The following EIF4G3 variants were observed in gnomAD, a reference collection of about 807,000 sequenced individuals.
EIF4G3 encodes eIF-4-gamma 3.
EIF4G3 carries 34 observed loss-of-function variants against 186.4 expected under a neutral mutation model. That is an observed-to-expected ratio of 0.18 (90% CI 0.14 to 0.24). The LOEUF (loss-of-function observed/expected upper bound fraction) is 0.24, where lower values mean the gene tolerates loss of function less well. Among genes scored for constraint, EIF4G3 ranks in the 10% least tolerant of loss-of-function variants. EIF4G3 has a pLI of 1.00. For synonymous variants in EIF4G3, 673 were observed against 679.5 expected (o/e 0.99, Z 0.15); for missense variants, 1,536 against 1,948.5 (o/e 0.79, Z 3.99).
intron 2 of EIF4G3, among the ~76,000 whole-genome samples, chr1:21,114,953 A>T (rs1320116395): frequency 1.3e-5 from 2 of 152,232 alleles, no homozygotes. Context: ...ACTTAAGGCC[A>T]GGAGTTCTAG....
intron 14 of EIF4G3, among the ~76,000 whole-genome samples, chr1:20,920,813 C>T (rs2094436059): frequency 6.6e-6 from 1 of 152,092 alleles, no homozygotes; most frequent in Non-Finnish European, 1.5e-5. Flanking sequence ...TGGTCACTCT[C>T]TAGAAATACT....
At chr1:21,001,429 A>C in intron 5 of EIF4G3, 117 bp from the exon 6 acceptor site, 1 of 401,536 alleles carries the variant, frequency 2.5e-6, no homozygotes, top group Non-Finnish European at 5.0e-6. Context: ...TTGGGGGTAT[A>C]CAGAAAGAGG....
intron 2 of EIF4G3, among the ~76,000 whole-genome samples, chr1:21,146,457 A>G (rs1488638969): frequency 1.3e-5 from 2 of 152,236 alleles, no homozygotes; most frequent in Admixed American, 6.5e-5. Flanking sequence ...AGGCAATTTT[A>G]TATTTAAAAA....
intron 2 of EIF4G3, among the ~76,000 whole-genome samples, chr1:21,134,702 T>A (rs149190517): frequency 2.0e-5 from 3 of 152,162 alleles, no homozygotes; most frequent in African/African-American, 7.2e-5. Flanking sequence ...CAGAAATACA[T>A]TGGGCTAATG....
chr1:21,156,482 G>A (rs1332911140), intron 2 of EIF4G3, among the ~76,000 whole-genome samples: 1 of 151,922 alleles, frequency 6.6e-6, no homozygotes, highest in Non-Finnish European at 1.5e-5. Context: ...ATCTCCATTT[G>A]TTTGTAAAAT....
At chr1:20,961,555 C>T (rs1176631920) in intron 12 of EIF4G3, among the ~76,000 whole-genome samples, 2 of 152,204 alleles carry the variant, frequency 1.3e-5, no homozygotes, top group Non-Finnish European at 2.9e-5. Context: ...AATGGATTAT[C>T]GTAAACTATA....
chr1:21,081,636 ATTTTTTT>A (rs566655576), intron 3 of EIF4G3, among the ~76,000 whole-genome samples: 14 of 122,774 alleles, frequency 1.1e-4, no homozygotes, highest in East Asian at 5.1e-4. Flanking sequence ...GATGAGTCCA[ATTTTTTT>A]TTTTTTTTTT....
intron 3 of EIF4G3, among the ~76,000 whole-genome samples, chr1:21,082,626 G>T (rs115504294): frequency 0.024 from 3,703 of 152,104 alleles, 81 homozygotes; most frequent in Middle Eastern, 0.048. Flanking sequence ...AAACCGGCAG[G>T]ATGCAGCAGC....
intron 35 of EIF4G3, among the ~76,000 whole-genome samples, chr1:20,812,953 G>A (rs2059566613): frequency 6.6e-6 from 1 of 152,200 alleles, no homozygotes; most frequent in South Asian, 2.1e-4. Flanking sequence ...GTGGTAGCTG[G>A]TTAGATCTGG....
chr1:20,842,541 A>T (rs1321596743), intron 29 of EIF4G3, among the ~76,000 whole-genome samples: 1 of 151,948 alleles, frequency 6.6e-6, no homozygotes, highest in Admixed American at 6.6e-5. Context: ...CTAATTTTGT[A>T]TTTTTAGTAG....
At chr1:21,151,852 T>C (rs936624613) in intron 2 of EIF4G3, among the ~76,000 whole-genome samples, 5 of 152,302 alleles carry the variant, frequency 3.3e-5, no homozygotes, top group Middle Eastern at 3.4e-3. Flanking sequence ...AAGAAACTCC[T>C]AGGTCAAACT....
intron 2 of EIF4G3, among the ~76,000 whole-genome samples, chr1:21,141,347 C>T (rs1337727214): frequency 1.3e-5 from 2 of 148,942 alleles, no homozygotes; most frequent in Non-Finnish European, 3.0e-5. Flanking sequence ...TTGAACATTA[C>T]CATTTCTATT....
intron 20 of EIF4G3, among the ~76,000 whole-genome samples, chr1:20,870,141 G>A (rs932207666): frequency 1.3e-5 from 2 of 151,722 alleles, no homozygotes; most frequent in East Asian, 1.9e-4. Flanking sequence ...CCAGTTGACC[G>A]GTCACTCGCT....
chr1:20,853,547 G>GC lies in EIF4G3; in HGVS notation c.3551+12dup, dbSNP rs1557925918. ...GGCCAGCCTTGAGTAGACATAAAAA[G>GC]CAGGGTTCTCACCTAGTTAAGGTCC... On this transcript the variant is annotated intron_variant, in intron 27 of 36. Transcript: ENST00000602326. The GC allele has an allele frequency of 1.3e-6, 2 of 1,574,770 alleles. No individual in the cohort carries two copies. Among genetic ancestry groups the GC allele is most frequent in the Non-Finnish European group, 1.7e-6 (2 of 1,144,424 alleles).
At chr1:20,986,378 A>G (rs1034343016) in intron 7 of EIF4G3, among the ~76,000 whole-genome samples, 2 of 152,148 alleles carry the variant, frequency 1.3e-5, no homozygotes, top group East Asian at 3.8e-4. Context: ...TGGCTAAATA[A>G]GCTGTGTTCT....
chr1:21,074,756 T>C (rs992860614), intron 3 of EIF4G3, among the ~76,000 whole-genome samples: 34 of 152,250 alleles, frequency 2.2e-4, no homozygotes, highest in Non-Finnish European at 3.2e-4. Flanking sequence ...AAAAATATTT[T>C]CCAATACAAT....
chr1:20,986,019 G>A (rs769839097), intron 7 of EIF4G3, among the ~76,000 whole-genome samples: 10 of 152,018 alleles, frequency 6.6e-5, no homozygotes, highest in African/African-American at 9.7e-5. Context: ...TTATGTGAAC[G>A]CTGCCATTAC....
chr1:20,810,842 T>C lies in EIF4G3; in HGVS notation c.4640A>G (p.Gln1547Arg). The change falls in exon 36 of 37, where the codon CAG (glutamine) becomes CGG (arginine). Residue 1547 changes from glutamine to arginine, a missense_variant. Physicochemically the swap from Gln to Arg is conservative, Grantham distance 43 (BLOSUM62 1). Coordinates refer to ENST00000602326, the MANE Select transcript of EIF4G3 (RefSeq NM_001391906.1). This position sits in a 1 kb window ranked among gnomAD's most constrained non-coding sequence, Gnocchi z 4.1. ...TFRVDTAVIK[Q>R]RVPILLKYLD... is the part of the protein sequence containing the mutation. ...GTACTTGAGTAAGATCGGCACTCTCTGCTTGATAACAGCAGTGTCCACTCT... is the reference window on the plus strand; with the variant it reads ...GTACTTGAGTAAGATCGGCACTCTCCGCTTGATAACAGCAGTGTCCACTCT... The C allele has an allele frequency of 1.9e-6, 3 of 1,614,196 alleles. No individual in the cohort carries two copies. Among genetic ancestry groups the C allele is most frequent in the Non-Finnish European group, 2.5e-6 (3 of 1,180,020 alleles).
At chr1:21,143,893 G>A (rs2097387307) in intron 2 of EIF4G3, among the ~76,000 whole-genome samples, 1 of 152,104 alleles carries the variant, frequency 6.6e-6, no homozygotes, top group South Asian at 2.1e-4. Context: ...CCGCACTCCA[G>A]CCTGGGTGAC....
Sources: allele counts gnomAD v4.1 joint callset (sites outside exome capture counted in the v4.1 genomes callset), GRCh38; gene constraint gnomAD v4.1.1; non-coding constraint Gnocchi (gnomAD v3.1); transcripts MANE v1.5; gene names NCBI Gene and HGNC (gene_info 2026-07-23, HGNC 2026-07-21).